DLGAP2: variants seen among roughly 807,000 people sequenced by gnomAD.
DLGAP2 encodes DLG associated protein 2, also known as disks large-associated protein 2.
A neutral mutation model predicts 100.3 loss-of-function variants in DLGAP2; 26 were observed. The observed-to-expected ratio is 0.26, with a 90% CI of 0.19 to 0.36. The LOEUF is 0.36. Ranked by LOEUF, DLGAP2 falls within the 10% of genes least tolerant of loss-of-function variation. DLGAP2 has a pLI of 1.00. For synonymous variants in DLGAP2, 886 were observed against 630.1 expected (o/e 1.41, Z -6.08); for missense variants, 1,858 against 1,453.2 (o/e 1.28, Z -4.53).
At chr8:964,694 C>T (rs368021364) in intron 2 of DLGAP2, among the ~76,000 whole-genome samples, 68 of 152,304 alleles carry the variant, frequency 4.5e-4, no homozygotes, top group African/African-American at 1.6e-3. Flanking sequence ...TGGCTTCTGC[C>T]CACACCCAAG....
rs1799558275 is a variant in DLGAP2, at chr8:1,701,232, G to A, written c.2994G>A (p.Lys998=). 6.3e-7 allele frequency: 1 copy of A among 1,577,720 alleles called. No homozygotes were observed. The change falls in exon 15 of 15, where the codon AAG becomes AAA. Residue 998 remains lysine, a synonymous_variant. Transcript: ENST00000637795. The stretch of plus-strand genomic sequence containing the variant: ...CTCCAATACCAAAGAAGCCTCCCAA[G>A]GGGAAGTTTCCCATCACAAGAGAAA... The part of the protein sequence containing the change: ...VPPPIPKKPP[K]GKFPITREKS...
chr8:1,388,661 C>G lies in DLGAP2; in HGVS notation c.107-112705C>G, dbSNP rs112565131. On this transcript the variant is annotated intron_variant, in intron 3 of 14. Transcript: ENST00000637795. ...TGTCAGGGCTGTGAGAGGCAGACGC[C>G]GTGGAAGAGGAGGCGCTGGTTCAGG... Among the ~76,000 whole-genome samples the G allele has an allele frequency of 3.7e-5, 3 of 80,396 alleles. 1 individual carries two copies. Among genetic ancestry groups the G allele is most frequent in the Non-Finnish European group, 2.7e-5 (1 of 36,736 alleles). 52.7% of individuals were successfully genotyped at this position (80,396 alleles called of 152,430 possible).
chr8:1,312,253 A>G (rs1330625547), intron 3 of DLGAP2, among the ~76,000 whole-genome samples: 1 of 152,252 alleles, frequency 6.6e-6, no homozygotes, highest in East Asian at 1.9e-4. Flanking sequence ...TTAACATCAG[A>G]GGGAACCCAG....
intron 3 of DLGAP2, among the ~76,000 whole-genome samples, chr8:1,451,702 C>A (rs1052306801): frequency 6.6e-6 from 1 of 152,190 alleles, no homozygotes; most frequent in Non-Finnish European, 1.5e-5. Flanking sequence ...ATCACACAGC[C>A]TCATGCTGCC....
chr8:1,107,892 G>C (rs1449447234), intron 2 of DLGAP2, among the ~76,000 whole-genome samples: 1 of 152,180 alleles, frequency 6.6e-6, no homozygotes, highest in Non-Finnish European at 1.5e-5. Flanking sequence ...GAGCACGAGA[G>C]GGAGCTCACG....
At chr8:1,497,017 C>A (rs934566341) in intron 3 of DLGAP2, among the ~76,000 whole-genome samples, 2 of 152,094 alleles carry the variant, frequency 1.3e-5, no homozygotes, top group African/African-American at 4.8e-5. Context: ...CCAGGTCACA[C>A]GTTATGGAGC....
intron 2 of DLGAP2, among the ~76,000 whole-genome samples, chr8:914,948 T>C (rs1485819314): frequency 5.3e-5 from 8 of 151,998 alleles, no homozygotes; most frequent in African/African-American, 1.9e-4. Flanking sequence ...TCCTTGGGGG[T>C]GTCAGGAGGG....
chr8:1,198,806 G>A (rs1585144325), intron 2 of DLGAP2, among the ~76,000 whole-genome samples: 1 of 152,242 alleles, frequency 6.6e-6, no homozygotes, highest in South Asian at 2.1e-4. Flanking sequence ...CCCTACAGCA[G>A]GGGGATGGGC....
chr8:1,295,158 G>A (rs991727642), intron 3 of DLGAP2, among the ~76,000 whole-genome samples: 5 of 152,174 alleles, frequency 3.3e-5, no homozygotes, highest in African/African-American at 7.2e-5. Context: ...GGGTGTCTGC[G>A]TGTTCTGGCC....
intron 3 of DLGAP2, among the ~76,000 whole-genome samples, chr8:1,460,791 G>C (rs568905081): frequency 6.6e-6 from 1 of 152,188 alleles, no homozygotes; most frequent in Non-Finnish European, 1.5e-5. Context: ...AATCAGAGAA[G>C]ATACTTTATG....
chr8:1,703,273 G>T lies in DLGAP2; in HGVS notation c.*1867G>T, dbSNP rs777346593. 3 of 151,210 alleles carry T rather than the reference G, an allele frequency of 2.0e-5. No homozygotes were observed. Among genetic ancestry groups the T allele is most frequent in the Non-Finnish European group, 4.4e-5 (3 of 67,868 alleles). The allele number at this position is 151,210 out of a possible 1,614,324, so 9.4% of individuals were successfully genotyped here. A position where few individuals can be genotyped will look rare whatever the true frequency, so the allele number is the denominator to read the frequency against. ...AAAATATATTTGGAAGCAAAAATCA[G>T]TACGAATGTATCTCCTTGAAAAATG... On this transcript the variant is annotated 3_prime_UTR_variant, in exon 15 of 15. Coordinates refer to ENST00000637795, the MANE Select transcript of DLGAP2 (RefSeq NM_001346810.2).
chr8:1,078,053 A>G (rs1158104577), intron 2 of DLGAP2, among the ~76,000 whole-genome samples: 7 of 151,892 alleles, frequency 4.6e-5, no homozygotes, highest in Non-Finnish European at 1.0e-4. Flanking sequence ...CTTAAATCCC[A>G]CCGGGACCCG....
rs534690457 is a variant in DLGAP2, at chr8:1,102,293, T to C, written c.74-156558T>C. On this transcript the variant is annotated intron_variant, in intron 2 of 14. Transcript: ENST00000637795. ...CATATATAATATATAATATAAAAAT[T>C]ACATGTAATATATAATTACATAATA... 5.4e-4 allele frequency among the ~76,000 whole-genome samples: 80 copies of C among 147,576 alleles called. 1 individual carries two copies. The South Asian group carries it at 0.016, about 29-fold the overall frequency.
chr8:771,379 C>G (rs1239415015), intron 1 of DLGAP2, among the ~76,000 whole-genome samples: 1 of 152,072 alleles, frequency 6.6e-6, no homozygotes, highest in Non-Finnish European at 1.5e-5. Flanking sequence ...GTAGATCTCC[C>G]TTATTAAGTA....
chr8:1,300,927 A>G lies in DLGAP2; in HGVS notation c.106+42044A>G, dbSNP rs1298448151. ...ATAAACCCTACAGCCTGCTGCATGA[A>G]CCGAGCTCAGCGTCCTCCCTGTGGC... On this transcript the variant is annotated intron_variant, in intron 3 of 14. Coordinates refer to ENST00000637795, the MANE Select transcript of DLGAP2 (RefSeq NM_001346810.2). The G allele has an allele frequency of 2.0e-5, 3 of 152,078 alleles. No individual in the cohort carries two copies. The East Asian group carries it at 5.8e-4, about 29-fold the overall frequency. 9.4% of individuals were successfully genotyped at this position (152,078 alleles called of 1,614,324 possible). A position where few individuals can be genotyped will look rare whatever the true frequency, so the allele number is the denominator to read the frequency against.
At chr8:1,364,945 A>T (rs1186299331) in intron 3 of DLGAP2, among the ~76,000 whole-genome samples, 1 of 152,212 alleles carries the variant, frequency 6.6e-6, no homozygotes, top group East Asian at 1.9e-4. Context: ...CACCTTCCTC[A>T]GAGACTGGGC....
chr8:1,672,222 T>A (rs1056233160), intron 10 of DLGAP2, among the ~76,000 whole-genome samples: 9 of 131,164 alleles, frequency 6.9e-5, no homozygotes, highest in Admixed American at 4.0e-4. Flanking sequence ...TTGTTTTTTA[T>A]TTTTAATTTT....
At chr8:1,372,763 T>C (rs567264093) in intron 3 of DLGAP2, among the ~76,000 whole-genome samples, 1 of 152,344 alleles carries the variant, frequency 6.6e-6, no homozygotes, top group African/African-American at 2.4e-5. Context: ...CATTAAACTC[T>C]TATTAATTGT....
At chr8:1,654,534 G>A (rs972348184) in intron 8 of DLGAP2, among the ~76,000 whole-genome samples, 3 of 152,122 alleles carry the variant, frequency 2.0e-5, no homozygotes, top group South Asian at 2.1e-4. Context: ...GGTGGCAAGC[G>A]CCTGTACTCC....
Sources: gnomAD v4.1 joint callset for allele counts (sites outside exome capture counted in the v4.1 genomes callset) on GRCh38, gnomAD v4.1.1 for gene constraint, MANE v1.5 for transcripts, NCBI Gene and HGNC (gene_info 2026-07-23, HGNC 2026-07-21) for gene names.